Variants in SLC24A2 observed in about 807,000 individuals in gnomAD.
SLC24A2 encodes solute carrier family 24 member 2, also known as sodium/potassium/calcium exchanger 2.
In SLC24A2, 36 loss-of-function variants were observed where a neutral mutation model predicts 62.0. That is an observed-to-expected ratio of 0.58 (90% CI 0.44 to 0.77). The LOEUF (loss-of-function observed/expected upper bound fraction) is 0.77, where lower values mean the gene tolerates loss of function less well. Ranked by LOEUF, SLC24A2 falls within the 30% of genes least tolerant of loss-of-function variation. SLC24A2 has a pLI of 0.00. For synonymous variants in SLC24A2, 358 were observed against 294.0 expected, an observed-to-expected ratio of 1.22 and a Z score of -2.23; for missense variants, 846 against 817.9, an observed-to-expected ratio of 1.03 and a Z score of -0.42.
intron 5 of SLC24A2, among the ~76,000 whole-genome samples, chr9:19,588,178 C>CTTTT (rs3085622): frequency 8.2e-6 from 1 of 121,698 alleles, no homozygotes; most frequent in Admixed American, 8.3e-5. Context: ...TTCTTTTTTT[C>CTTTT]TTTTTTTTTT....
chr9:19,794,988 G>A, the SLC24A2 span, among the ~76,000 whole-genome samples: 137 of 152,306 alleles, frequency 9.0e-4, no homozygotes, highest in African/African-American at 3.1e-3. Flanking sequence ...CTGGAAAAGA[G>A]GAGCCATGTG....
the SLC24A2 span, among the ~76,000 whole-genome samples, chr9:19,990,923 A>ATATATATATGTG: frequency 4.1e-4 from 8 of 19,536 alleles, no homozygotes; most frequent in Non-Finnish European, 1.3e-3. Context: ...GACTAATAGG[A>ATATATATATGTG]TATATATATA....
intron 2 of SLC24A2, among the ~76,000 whole-genome samples, chr9:19,727,893 C>T (rs776586250): frequency 1.6e-4 from 25 of 152,148 alleles, no homozygotes; most frequent in Non-Finnish European, 2.6e-4. Context: ...GGGAAAGGGG[C>T]TACTTCCAGT....
the SLC24A2 span, among the ~76,000 whole-genome samples, chr9:20,016,343 A>C: frequency 2.6e-4 from 40 of 152,216 alleles, no homozygotes; most frequent in Non-Finnish European, 4.9e-4. Flanking sequence ...GGCTTAGATT[A>C]GGAAGACATC....
At chr9:19,636,318 T>TCTTTTCTTTTCTTTTCTTTTC (rs1554690366) in intron 2 of SLC24A2, among the ~76,000 whole-genome samples, 485 of 32,200 alleles carry the variant, frequency 0.015, 28 homozygotes, top group Non-Finnish European at 0.021. Context: ...TCTTTTCTTT[T>TCTTTTCTTTTCTTTTCTTTTC]CTTTCTTTCT....
upstream of SLC24A2, among the ~76,000 whole-genome samples, chr9:19,793,039 A>G (rs1823339087): frequency 6.6e-6 from 1 of 152,232 alleles, no homozygotes; most frequent in South Asian, 2.1e-4. Flanking sequence ...ACAAAGAGTC[A>G]GTATCATGCA....
the SLC24A2 span, among the ~76,000 whole-genome samples, chr9:20,246,511 A>T: frequency 1.3e-5 from 2 of 152,248 alleles, no homozygotes; most frequent in Admixed American, 6.5e-5. Flanking sequence ...CGAACCACTC[A>T]GCATGTGTGT....
chr9:20,075,090 A>T, the SLC24A2 span, among the ~76,000 whole-genome samples: 1 of 152,178 alleles, frequency 6.6e-6, no homozygotes, highest in East Asian at 1.9e-4. Flanking sequence ...TTTTTTATGT[A>T]ATATTTTTTC....
the SLC24A2 span, among the ~76,000 whole-genome samples, chr9:19,814,014 T>C: frequency 1.3e-5 from 2 of 152,170 alleles, no homozygotes; most frequent in African/African-American, 4.8e-5. Flanking sequence ...TTATGGCATT[T>C]CCTATAGTTC....
In SLC24A2 at chr9:19,555,078, T is replaced by C. The variant is rs1279449740; in HGVS notation, c.1348-4810A>G. Among the ~76,000 whole-genome samples, 4 of 152,190 alleles carry C rather than the reference T, an allele frequency of 2.6e-5. No individual in the cohort carries two copies. The East Asian group carries it at 7.7e-4, about 29-fold the overall frequency. On this transcript the variant is annotated intron_variant, in intron 7 of 10. Transcript: ENST00000341998. ...ATGCAGGACTTAACACTGGTTTTCT[T>C]GGTGTTTATAGGAAATTCTGCCCAA...
intron 2 of SLC24A2, among the ~76,000 whole-genome samples, chr9:19,683,146 A>G (rs537586820): frequency 1.3e-4 from 20 of 152,270 alleles, no homozygotes; most frequent in Non-Finnish European, 2.8e-4. Flanking sequence ...TTGAAAGGAC[A>G]GTACATTAAC....
chr9:19,776,291 G>T (rs1822844227), intron 2 of SLC24A2, among the ~76,000 whole-genome samples: 1 of 152,164 alleles, frequency 6.6e-6, no homozygotes, highest in Non-Finnish European at 1.5e-5. Flanking sequence ...AATCAGACAG[G>T]CTCAAGTTCA....
chr9:19,818,172 T>C, the SLC24A2 span, among the ~76,000 whole-genome samples: 1 of 152,124 alleles, frequency 6.6e-6, no homozygotes, highest in Non-Finnish European at 1.5e-5. Context: ...TCTCCGGCCT[T>C]GTTTTCCACA....
intron 2 of SLC24A2, among the ~76,000 whole-genome samples, chr9:19,725,568 G>A (rs1821145825): frequency 6.6e-6 from 1 of 152,102 alleles, no homozygotes; most frequent in Non-Finnish European, 1.5e-5. Flanking sequence ...ATACAGCACA[G>A]CATTTTTTTA....
chr9:20,174,265 AAACCCT>A, the SLC24A2 span, among the ~76,000 whole-genome samples: 1 of 152,264 alleles, frequency 6.6e-6, no homozygotes, highest in East Asian at 1.9e-4. Context: ...AATGTCGGAA[AAACCCT>A]TCTAGACATT....
chr9:19,963,796 T>C, the SLC24A2 span, among the ~76,000 whole-genome samples: 2 of 152,164 alleles, frequency 1.3e-5, no homozygotes, highest in African/African-American at 4.8e-5. Flanking sequence ...TCAACCATTG[T>C]GGAAGTCAGT....
intron 2 of SLC24A2, among the ~76,000 whole-genome samples, chr9:19,697,031 T>G (rs1193507292): frequency 1.3e-5 from 2 of 152,162 alleles, no homozygotes; most frequent in African/African-American, 4.8e-5. Context: ...TTGGGGTAAA[T>G]TTTTAATTGC....
chr9:20,095,525 A>T, the SLC24A2 span, among the ~76,000 whole-genome samples: 1 of 152,194 alleles, frequency 6.6e-6, no homozygotes, highest in Non-Finnish European at 1.5e-5. Flanking sequence ...TCTCCACGTG[A>T]GAGAAAATTC....
chr9:20,113,998 A>G, the SLC24A2 span, among the ~76,000 whole-genome samples: 1 of 152,146 alleles, frequency 6.6e-6, no homozygotes, highest in Non-Finnish European at 1.5e-5. Flanking sequence ...TTTTGCCTGG[A>G]AAGTGATTCC....
Sources: gnomAD v4.1 joint callset for allele counts (sites outside exome capture counted in the v4.1 genomes callset) on GRCh38, gnomAD v4.1.1 for gene constraint, MANE v1.5 for transcripts, NCBI Gene and HGNC (gene_info 2026-07-23, HGNC 2026-07-21) for gene names.